GPR19: variants seen among roughly 807,000 people sequenced by gnomAD.
GPR19 encodes the protein probable G protein-coupled receptor 19.
In GPR19, 14 loss-of-function variants were observed where a neutral mutation model predicts 28.5. The observed-to-expected ratio is 0.49, with a 90% confidence interval of 0.32 to 0.77. The LOEUF is 0.77. GPR19 is among the 30% of genes least tolerant of loss of function. The pLI, the probability that GPR19 is intolerant of heterozygous loss-of-function variation, is 0.03. For missense variants in GPR19, 409 were observed against 504.1 expected (o/e 0.81, Z 1.81); for synonymous variants, 173 against 184.1 (o/e 0.94, Z 0.49).
chr12:12,706,312 TC>T, the GPR19 span, among the ~76,000 whole-genome samples: 1 of 152,200 alleles, frequency 6.6e-6, no homozygotes, highest in Non-Finnish European at 1.5e-5. Context: ...GGGTCACCTC[TC>T]TCTTGGCTCT....
At chr12:12,666,030 A>G (rs1220433584) in intron 3 of GPR19, among the ~76,000 whole-genome samples, 28 of 152,178 alleles carry the variant, frequency 1.8e-4, no homozygotes, top group Non-Finnish European at 1.3e-4. Flanking sequence ...TTGAGCTGGG[A>G]GCTTAGAGGA....
rs1303048556 is a variant in GPR19 at position 12,662,332 on chromosome 12, G to A, written c.117C>T (p.Tyr39=). ...TETATPLPSQ[Y]LMELSEEHSW... is the part of the protein sequence containing the mutation. ...TGTGCTCCTCACTTAATTCCATCAG[G>A]TATTGGCTTGGCAGAGGTGTGGCTG... The change falls in exon 4 of 4, where the codon TAC becomes TAT. Residue 39 remains tyrosine (Y), a synonymous_variant. Coordinates refer to ENST00000651487, the MANE Select transcript of GPR19 (RefSeq NM_006143.3). 3 of 1,614,210 alleles carry A rather than the reference G, an allele frequency of 1.9e-6. No homozygotes were observed. The highest frequency in any genetic ancestry group is 2.2e-5 in the East Asian group (1 of 44,890).
chr12:12,709,909 G>C, the GPR19 span, among the ~76,000 whole-genome samples: 1 of 152,172 alleles, frequency 6.6e-6, no homozygotes, highest in East Asian at 1.9e-4. Flanking sequence ...CCCCTTGTCT[G>C]ATCAACTTCG....
At chr12:12,700,161 TTCTC>T (rs10689575), upstream of GPR19, among the ~76,000 whole-genome samples, 34 of 145,648 alleles carry the variant, frequency 2.3e-4, no homozygotes, top group African/African-American at 8.0e-4. Flanking sequence ...CTCTCTTTCT[TTCTC>T]TCTCTCTCTG....
intron 3 of GPR19, among the ~76,000 whole-genome samples, chr12:12,676,496 G>A (rs1034388850): frequency 6.6e-6 from 1 of 152,166 alleles, no homozygotes; most frequent in African/African-American, 2.4e-5. Flanking sequence ...AGCACTGAGA[G>A]TTTTTGATAT....
intron 3 of GPR19, among the ~76,000 whole-genome samples, chr12:12,672,153 A>C (rs1945861861): frequency 6.6e-6 from 1 of 152,218 alleles, no homozygotes; most frequent in Non-Finnish European, 1.5e-5. Context: ...AAGGAGCCTG[A>C]GCTTTACCCC....
At chr12:12,710,870 T>G in the GPR19 span, among the ~76,000 whole-genome samples, 1 of 152,170 alleles carries the variant, frequency 6.6e-6, no homozygotes, top group African/African-American at 2.4e-5. Context: ...GACATACCTT[T>G]TCATTCTTTC....
chr12:12,711,223 G>A, the GPR19 span, among the ~76,000 whole-genome samples: 1 of 151,734 alleles, frequency 6.6e-6, no homozygotes, highest in Admixed American at 6.6e-5. Flanking sequence ...GAACCTGGGA[G>A]GTGGAGGTTG....
chr12:12,698,629 T>C (rs1946294905), upstream of GPR19, among the ~76,000 whole-genome samples: 1 of 142,660 alleles, frequency 7.0e-6, no homozygotes, highest in East Asian at 2.1e-4. Flanking sequence ...TTTTTTTTTC[T>C]CAAGACGGTC....
At chr12:12,705,898 A>C in the GPR19 span, among the ~76,000 whole-genome samples, 1 of 152,176 alleles carries the variant, frequency 6.6e-6, no homozygotes, top group Admixed American at 6.5e-5. Flanking sequence ...TGAAGGAAAC[A>C]GTGTAAAACC....
the GPR19 span, among the ~76,000 whole-genome samples, chr12:12,707,989 CTTTTTTTTTT>C: frequency 1.3e-4 from 8 of 62,442 alleles, no homozygotes; most frequent in Admixed American, 2.5e-4. Flanking sequence ...ATTTCCTATT[CTTTTTTTTTT>C]TTTTTTTTTT....
At chr12:12,706,450 G>A in the GPR19 span, among the ~76,000 whole-genome samples, 1 of 152,020 alleles carries the variant, frequency 6.6e-6, no homozygotes, top group Non-Finnish European at 1.5e-5. Flanking sequence ...CCACTCCCTT[G>A]GTGTTCTTAT....
At chr12:12,690,092 T>G (rs917758206) in intron 2 of GPR19, among the ~76,000 whole-genome samples, 4 of 152,210 alleles carry the variant, frequency 2.6e-5, no homozygotes, top group African/African-American at 9.7e-5. Flanking sequence ...TGACATAATG[T>G]TTTTGTTTGT....
At position 12,670,505 on chromosome 12, in the gene GPR19, TAGTC is replaced by T. The variant is rs368226899; in HGVS notation, c.-22-8039_-22-8036del. On this transcript the variant is annotated intron_variant, in intron 3 of 3. Transcript: ENST00000651487. ...CCAGTTTTCTTCTGTAAAATGAAGA[TAGTC>T]AGTTCCTATCTCATTTGATTATTAT... 4.9e-4 allele frequency among the ~76,000 whole-genome samples: 74 copies of T among 152,320 alleles called. No individual in the cohort carries two copies. The East Asian group carries it at 8.5e-3, about 17-fold the overall frequency.
chr12:12,697,153 T>TAAAAAAAAAACAAAAAAAAAAAAAAA (rs1946277637), upstream of GPR19, among the ~76,000 whole-genome samples: 1 of 48,846 alleles, frequency 2.0e-5, no homozygotes, highest in Non-Finnish European at 3.6e-5. Context: ...TGAAGCGAAG[T>TAAAAAAAAAACAAAAAAAAAAAAAAA]AAAAAAAAAA....
At chr12:12,702,065 A>G in the GPR19 span, among the ~76,000 whole-genome samples, 1 of 151,754 alleles carries the variant, frequency 6.6e-6, no homozygotes, top group East Asian at 1.9e-4. Context: ...TGATTTTTAT[A>G]TGTAGAATAA....
chr12:12,703,331 C>G, the GPR19 span: 1 of 931,804 alleles, frequency 1.1e-6, no homozygotes, highest in Non-Finnish European at 1.3e-6. Flanking sequence ...TTGTGAGACA[C>G]AGTCTCACTT....
chr12:12,705,049 T>G, the GPR19 span, among the ~76,000 whole-genome samples: 1 of 152,114 alleles, frequency 6.6e-6, no homozygotes, highest in African/African-American at 2.4e-5. Context: ...TTATCGAGGT[T>G]TGGAGAAAAA....
intron 3 of GPR19, among the ~76,000 whole-genome samples, chr12:12,664,036 C>G (rs528698291): frequency 6.6e-6 from 1 of 152,142 alleles, no homozygotes; most frequent in Non-Finnish European, 1.5e-5. Flanking sequence ...CTCCGTCCCC[C>G]GGGCTGGTGT....
Sources: allele counts gnomAD v4.1 joint callset (sites outside exome capture counted in the v4.1 genomes callset), GRCh38; gene constraint gnomAD v4.1.1; transcripts MANE v1.5; gene names NCBI Gene and HGNC (gene_info 2026-07-23, HGNC 2026-07-21).